NAALADL2: variants seen among roughly 807,000 people sequenced by gnomAD.
NAALADL2 encodes the protein N-acetylated alpha-linked acidic dipeptidase like 2, also known as inactive N-acetylated-alpha-linked acidic dipeptidase-like protein 2.
In NAALADL2, 76 loss-of-function variants were observed where a neutral mutation model predicts 87.2. That is an observed-to-expected ratio of 0.87 (90% CI 0.72 to 1.05). The LOEUF (loss-of-function observed/expected upper bound fraction) is 1.05, where lower values mean the gene tolerates loss of function less well. Among genes scored for constraint, NAALADL2 ranks in the 50% least tolerant of loss-of-function variants. The pLI, the probability that NAALADL2 is intolerant of heterozygous loss-of-function variation, is 0.00. For missense variants in NAALADL2, 1,089 were observed against 945.8 expected (o/e 1.15, Z -1.99); for synonymous variants, 354 against 331.0 (o/e 1.07, Z -0.75).
At chr3:175,510,438 C>T (rs1731004566) in intron 9 of NAALADL2, among the ~76,000 whole-genome samples, 1 of 152,090 alleles carries the variant, frequency 6.6e-6, no homozygotes, top group Admixed American at 6.6e-5. Context: ...TGTCAGTTGG[C>T]TTTGTCATGA....
intron 3 of NAALADL2, among the ~76,000 whole-genome samples, chr3:174,746,417 A>C (rs369426906): frequency 4.6e-5 from 7 of 152,202 alleles, no homozygotes; most frequent in African/African-American, 1.7e-4. Context: ...ACCACTGCTC[A>C]AGGAATTAAG....
At chr3:175,165,725 G>A (rs1232210181) in intron 2 of NAALADL2, among the ~76,000 whole-genome samples, 1 of 152,102 alleles carries the variant, frequency 6.6e-6, no homozygotes, top group Non-Finnish European at 1.5e-5. Context: ...GCCCTGCACA[G>A]CACATACCCT....
chr3:175,393,415 T>C (rs953698607), intron 5 of NAALADL2, among the ~76,000 whole-genome samples: 1 of 151,954 alleles, frequency 6.6e-6, no homozygotes, highest in African/African-American at 2.4e-5. Flanking sequence ...CTAATTATTA[T>C]GATTATCTTT....
chr3:174,527,022 A>C (rs965427305), intron 1 of NAALADL2, among the ~76,000 whole-genome samples: 1 of 152,128 alleles, frequency 6.6e-6, no homozygotes, highest in Non-Finnish European at 1.5e-5. Context: ...TTAGGGTCAT[A>C]CTGCAGCTAC....
intron 3 of NAALADL2, among the ~76,000 whole-genome samples, chr3:174,796,918 T>G (rs1290613168): frequency 6.6e-6 from 1 of 152,064 alleles, no homozygotes; most frequent in Non-Finnish European, 1.5e-5. Flanking sequence ...GTCTTTTCAC[T>G]CTGTTGATTA....
At chr3:174,643,071 C>A (rs2108736801) in intron 2 of NAALADL2, among the ~76,000 whole-genome samples, 1 of 152,158 alleles carries the variant, frequency 6.6e-6, no homozygotes, top group African/African-American at 2.4e-5. Flanking sequence ...CATGAGCCAC[C>A]AAATATGGCC....
At chr3:175,726,237 A>C (rs1375726168) in intron 11 of NAALADL2, among the ~76,000 whole-genome samples, 1 of 150,582 alleles carries the variant, frequency 6.6e-6, no homozygotes, top group Non-Finnish European at 1.5e-5. Context: ...AGTCACCAAA[A>C]GAGGAGAGCT....
chr3:175,282,831 A>G (rs1465122652), intron 4 of NAALADL2, among the ~76,000 whole-genome samples: 1 of 150,350 alleles, frequency 6.7e-6, no homozygotes, highest in Middle Eastern at 3.3e-3. Flanking sequence ...TCAACTTTTA[A>G]TTTTTATTTT....
chr3:174,847,898 G>A (rs1044439393), intron 3 of NAALADL2, among the ~76,000 whole-genome samples: 1 of 150,432 alleles, frequency 6.6e-6, no homozygotes, highest in African/African-American at 2.4e-5. Flanking sequence ...TCAACTCTTT[G>A]GATTTTTGAC....
At chr3:175,708,460 A>T (rs1226169342) in intron 11 of NAALADL2, among the ~76,000 whole-genome samples, 1 of 152,046 alleles carries the variant, frequency 6.6e-6, no homozygotes, top group African/African-American at 2.4e-5. Flanking sequence ...AAGAAATATT[A>T]AGTTATTTGA....
intron 11 of NAALADL2, chr3:175,718,232 G>A (rs1264530637): frequency 2.7e-6 from 1 of 371,842 alleles, no homozygotes; most frequent in Non-Finnish European, 4.3e-6. Flanking sequence ...TTGATTAGTT[G>A]CTGTAACACT....
At chr3:175,181,678 C>CATATATATATATATATATATATAT (rs140291952) in intron 2 of NAALADL2, among the ~76,000 whole-genome samples, 4 of 51,902 alleles carry the variant, frequency 7.7e-5, no homozygotes, top group Admixed American at 2.6e-4. Context: ...ATTCCATTGG[C>CATATATATATATATATATATATAT]ATATATATAT....
At chr3:175,331,842 TAGCTAATAA>T (rs1449234187) in intron 5 of NAALADL2, among the ~76,000 whole-genome samples, 1 of 152,142 alleles carries the variant, frequency 6.6e-6, no homozygotes, top group African/African-American at 2.4e-5. Flanking sequence ...CATGGTCTCA[TAGCTAATAA>T]AACTCAAAAA....
At chr3:174,934,948 C>T (rs1207024133) in intron 1 of NAALADL2, among the ~76,000 whole-genome samples, 1 of 151,444 alleles carries the variant, frequency 6.6e-6, no homozygotes, top group Non-Finnish European at 1.5e-5. Flanking sequence ...GTCATAGAAT[C>T]TATGCATTTT....
chr3:175,292,651 C>A (rs1046729238), intron 4 of NAALADL2, among the ~76,000 whole-genome samples: 2 of 151,042 alleles, frequency 1.3e-5, no homozygotes, highest in African/African-American at 2.4e-5. Flanking sequence ...TTACCATATT[C>A]ATTCTGGAGT....
chr3:175,081,875 A>G (rs1406823982), intron 1 of NAALADL2, among the ~76,000 whole-genome samples: 2 of 152,140 alleles, frequency 1.3e-5, no homozygotes, highest in Admixed American at 6.5e-5. Flanking sequence ...TATTGTACGC[A>G]TATTGTTATT....
chr3:175,164,942 A>G (rs551728797), intron 2 of NAALADL2, among the ~76,000 whole-genome samples: 2 of 152,272 alleles, frequency 1.3e-5, no homozygotes, highest in East Asian at 3.9e-4. Context: ...TGGATGCCCC[A>G]TATCTTTGAA....
At chr3:175,309,777 C>T (rs533707863) in intron 4 of NAALADL2, among the ~76,000 whole-genome samples, 61 of 152,002 alleles carry the variant, frequency 4.0e-4, no homozygotes, top group Non-Finnish European at 4.0e-4. Context: ...TTGCATATTA[C>T]GTAGCATTTT....
intron 5 of NAALADL2, among the ~76,000 whole-genome samples, chr3:175,371,578 T>C (rs546743314): frequency 2.6e-5 from 4 of 152,164 alleles, no homozygotes; most frequent in Admixed American, 2.0e-4. Flanking sequence ...TAATCCCAGC[T>C]CTTTGGGAGG....
Sources: allele counts gnomAD v4.1 joint callset (sites outside exome capture counted in the v4.1 genomes callset), GRCh38; gene constraint gnomAD v4.1.1; transcripts MANE v1.5; gene names NCBI Gene and HGNC (gene_info 2026-07-23, HGNC 2026-07-21).